Variants in ZNF714 observed in about 807,000 individuals in gnomAD.
ZNF714 encodes the protein zinc finger protein 714.
A neutral mutation model predicts 46.2 loss-of-function variants in ZNF714; 32 were observed. The observed-to-expected ratio is 0.69, with a 90% CI of 0.52 to 0.93. The LOEUF is 0.93. Ranked by LOEUF, ZNF714 falls within the 40% of genes least tolerant of loss-of-function variation. The probability of loss-of-function intolerance (pLI) is 0.00; values close to 1 mark genes in which losing one functional copy is unlikely to be tolerated. For missense variants in ZNF714, 635 were observed against 646.3 expected, an observed-to-expected ratio of 0.98 and a Z score of 0.19; for synonymous variants, 199 against 213.1, an observed-to-expected ratio of 0.93 and a Z score of 0.58.
At chr19:21,106,340 C>T (rs1969312625) in intron 4 of ZNF714, among the ~76,000 whole-genome samples, 1 of 151,792 alleles carries the variant, frequency 6.6e-6, no homozygotes, top group African/African-American at 2.4e-5. Context: ...GAGGCCGAGG[C>T]GGGCGGATCA....
chr19:21,099,645 A>G (rs1012239551), intron 4 of ZNF714, among the ~76,000 whole-genome samples: 1 of 152,080 alleles, frequency 6.6e-6, no homozygotes. Flanking sequence ...ATTATAAATT[A>G]TGATGTCCTG....
chr19:21,095,084 TG>T (rs1969004848), intron 2 of ZNF714, among the ~76,000 whole-genome samples: 1 of 152,188 alleles, frequency 6.6e-6, no homozygotes, highest in Non-Finnish European at 1.5e-5. Flanking sequence ...CAAATATTTT[TG>T]TTTATTTGGT....
intron 3 of ZNF714, 52 bp downstream of exon 3, chr19:21,098,363 C>A (rs1969092133): frequency 1.3e-6 from 2 of 1,572,488 alleles, no homozygotes; most frequent in East Asian, 2.3e-5. Context: ...CGTTTTATGT[C>A]TCTTTTTTTG....
At chr19:21,085,412 A>G (rs1319513972) in intron 2 of ZNF714, among the ~76,000 whole-genome samples, 2 of 152,194 alleles carry the variant, frequency 1.3e-5, no homozygotes, top group African/African-American at 4.8e-5. Context: ...AAACAATACA[A>G]TAATAGATAT....
intron 2 of ZNF714, among the ~76,000 whole-genome samples, chr19:21,084,422 G>A (rs775063849): frequency 8.6e-5 from 13 of 151,992 alleles, no homozygotes; most frequent in Non-Finnish European, 1.3e-4. Flanking sequence ...CTGAGATGGT[G>A]TAAGAGCTTG....
intron 2 of ZNF714, among the ~76,000 whole-genome samples, chr19:21,095,177 TG>T (rs1429685477): frequency 1.3e-5 from 2 of 152,136 alleles, no homozygotes; most frequent in African/African-American, 2.4e-5. Flanking sequence ...AAAAGCTGGG[TG>T]TTGGGAGGGA....
intron 2 of ZNF714, 75 bp from the exon 3 acceptor site, chr19:21,098,110 C>T (rs193293207): frequency 1.6e-5 from 24 of 1,527,604 alleles, no homozygotes; most frequent in Middle Eastern, 3.5e-4. Flanking sequence ...TCTCATTTCA[C>T]CTTAATTCAA....
intron 2 of ZNF714, among the ~76,000 whole-genome samples, chr19:21,095,520 T>C (rs1035527613): frequency 6.6e-6 from 1 of 151,752 alleles, no homozygotes; most frequent in African/African-American, 2.4e-5. Flanking sequence ...TGGAGTGCAG[T>C]GGTGTGATCT....
chr19:21,117,436 A>G lies in ZNF714; in HGVS notation c.772A>G (p.Lys258Glu), dbSNP rs781018161. 143 of 1,612,844 alleles carry G rather than the reference A, an allele frequency of 8.9e-5. No homozygotes were observed. The highest frequency in any genetic ancestry group is 1.2e-4 in the Non-Finnish European group (137 of 1,179,402). ...KVIHTGEKPF[K>E]CEECGKAFNH... is the part of the protein sequence containing the mutation. ...AATTCATACTGGAGAGAAGCCCTTC[A>G]AATGTGAAGAATGTGGTAAAGCTTT... is the stretch of plus-strand genomic sequence containing the variant. Residue 258 changes from lysine (K) to glutamate (E), a missense_variant, in exon 5 of 5, where the codon AAA (lysine) becomes GAA (glutamate). By Grantham distance (56) the Lys-to-Glu change is moderately conservative (BLOSUM62 1). Coordinates refer to ENST00000456283, the MANE Select transcript of ZNF714 (RefSeq NM_182515.4).
Position 21,117,731 on chromosome 19 carries a change from T to C in ZNF714, c.1067T>C (p.Leu356Pro), listed in dbSNP as rs1181111045. ...CGKAFNVSSH[L>P]TTHKMIHTGE... ...AAAGCCTTTAATGTGTCTTCACACC[T>C]TACTACACATAAGATGATTCATACT... The change falls in exon 5 of 5, where the codon CTT becomes CCT. Residue 356 changes from leucine (L) to proline (P), a missense_variant. Physicochemically the swap from Leu to Pro is moderately conservative, Grantham distance 98. Transcript: ENST00000456283. The C allele has an allele frequency of 6.2e-7, 1 of 1,613,526 alleles. No individual in the cohort carries two copies. The highest frequency in any genetic ancestry group is 1.1e-5 in the South Asian group (1 of 90,976).
At chr19:21,098,401 T>C in intron 3 of ZNF714, 90 bp downstream of exon 3, 2 of 1,463,508 alleles carry the variant, frequency 1.4e-6, no homozygotes, top group South Asian at 1.2e-5. Context: ...ATTTATGCTT[T>C]GTATAAATGA....
At chr19:21,102,423 G>A (rs976679340) in intron 4 of ZNF714, among the ~76,000 whole-genome samples, 1 of 152,102 alleles carries the variant, frequency 6.6e-6, no homozygotes, top group South Asian at 2.1e-4. Flanking sequence ...ATATCTAAAT[G>A]ATAATTTACT....
At chr19:21,084,670 G>A (rs368133622) in intron 2 of ZNF714, among the ~76,000 whole-genome samples, 312 of 150,044 alleles carry the variant, frequency 2.1e-3, no homozygotes, top group African/African-American at 6.7e-3. Flanking sequence ...GCTGTAAATT[G>A]CATTATATTA....
intron 2 of ZNF714, among the ~76,000 whole-genome samples, chr19:21,096,195 G>C (rs1031434048): frequency 6.6e-6 from 1 of 152,144 alleles, no homozygotes; most frequent in Non-Finnish European, 1.5e-5. Flanking sequence ...TTTTATTTCC[G>C]TGGAGCAACT....
intron 2 of ZNF714, among the ~76,000 whole-genome samples, chr19:21,097,792 A>AG (rs2144841476): frequency 6.6e-6 from 1 of 151,940 alleles, no homozygotes; most frequent in South Asian, 2.1e-4. Context: ...AAAAAAAAAA[A>AG]GCTTCACAAC....
intron 2 of ZNF714, among the ~76,000 whole-genome samples, chr19:21,097,673 C>A (rs901531239): frequency 2.6e-5 from 4 of 151,932 alleles, no homozygotes; most frequent in African/African-American, 9.7e-5. Context: ...ATCTCTTTCA[C>A]TTACTGAATG....
At position 21,117,158 on chromosome 19, in the gene ZNF714, G is replaced by T. The variant is rs766981915; in HGVS notation, c.494G>T (p.Arg165Ile). Residue 165 changes from arginine (R) to isoleucine (I), a missense_variant, in exon 5 of 5, where the codon AGA becomes ATA. Physicochemically the swap from Arg to Ile is moderately conservative, Grantham distance 97 (BLOSUM62 -3). Coordinates refer to ENST00000456283, the MANE Select transcript of ZNF714 (RefSeq NM_182515.4). ...CMLLHLHQHK[R>I]IHIRENSYQC... ...CTTTTACACCTACATCAACATAAAA[G>T]AATTCATATTAGAGAGAATTCTTAC... The T allele has an allele frequency of 6.8e-6, 11 of 1,613,762 alleles. No individual in the cohort carries two copies. The highest frequency in any genetic ancestry group is 4.5e-5 in the East Asian group (2 of 44,854).
rs1969692333 is a variant in ZNF714, at chr19:21,120,891, T to G, written c.*2559T>G. 1 of 152,202 alleles carries G rather than the reference T, an allele frequency of 6.6e-6. No homozygotes were observed. Among genetic ancestry groups the G allele is most frequent in the Admixed American group, 6.5e-5 (1 of 15,278 alleles). The allele number at this position is 152,202 out of a possible 1,614,324, so 9.4% of individuals were successfully genotyped here. A position where few individuals can be genotyped will look rare whatever the true frequency, so the allele number is the denominator to read the frequency against. ...GGTGGGTACATAATATGAGTATATA[T>G]TTATGCACTTATATGGCATATTTTA... On this transcript the variant is annotated 3_prime_UTR_variant, in exon 5 of 5. Transcript: ENST00000456283.
chr19:21,117,807 C>T lies in ZNF714; in HGVS notation c.1143C>T (p.Ser381=), dbSNP rs1362648393. The T allele has an allele frequency of 1.2e-6, 2 of 1,611,918 alleles. No individual in the cohort carries two copies. The highest frequency in any genetic ancestry group is 1.7e-6 in the Non-Finnish European group (2 of 1,179,058). ...CEECGKAFNH[S]SKLTIHKIIH... ...AATGTGGCAAAGCCTTTAACCACTCCTCAAAACTTACTATACATAAGATAA... is the reference window on the plus strand; with the variant it reads ...AATGTGGCAAAGCCTTTAACCACTCTTCAAAACTTACTATACATAAGATAA... The change falls in exon 5 of 5, where the codon TCC becomes TCT. Residue 381 remains serine, a synonymous_variant. Coordinates refer to ENST00000456283, the MANE Select transcript of ZNF714 (RefSeq NM_182515.4).
Sources: gnomAD v4.1 joint callset for allele counts (sites outside exome capture counted in the v4.1 genomes callset) on GRCh38, gnomAD v4.1.1 for gene constraint, MANE v1.5 for transcripts, NCBI Gene and HGNC (gene_info 2026-07-23, HGNC 2026-07-21) for gene names.